The following HSPA4 variants were observed in gnomAD, a reference collection of about 807,000 sequenced individuals.
HSPA4 encodes heat shock protein family A (Hsp70) member 4, also known as heat shock 70 kDa protein 4.
Under a neutral mutation model 106.2 loss-of-function variants are expected in HSPA4, and 25 were observed. The ratio of observed to expected loss-of-function variants is 0.24; its 90% confidence interval spans 0.17 to 0.33. The LOEUF (loss-of-function observed/expected upper bound fraction) is 0.33, where lower values mean the gene tolerates loss of function less well. Among genes scored for constraint, HSPA4 ranks in the 10% least tolerant of loss-of-function variants. The pLI, the probability that HSPA4 is intolerant of heterozygous loss-of-function variation, is 1.00. For missense variants in HSPA4, 841 were observed against 996.0 expected (o/e 0.84, Z 2.10); for synonymous variants, 332 against 333.6 (o/e 1.00, Z 0.05).
At position 133,096,134 on chromosome 5, in the gene HSPA4, C is replaced by G. The variant is rs1299833061; in HGVS notation, c.1687C>G (p.Gln563Glu). The change falls in exon 14 of 19, where the codon CAA becomes GAA. Residue 563 changes from glutamine (Q) to glutamate (E), a missense_variant. Transcript: ENST00000304858. ...QAGSKDKKMD[Q>E]PPQAKKAKVK... ...TGGATCCAAGGATAAAAAGATGGAC[C>G]AACCACCCCAAGCCAAGAAGGCAAA... The G allele has an allele frequency of 6.2e-7, 1 of 1,613,670 alleles. No individual in the cohort carries two copies. Among genetic ancestry groups the G allele is most frequent in the African/African-American group, 1.3e-5 (1 of 74,852 alleles).
rs1554090695 is a variant in HSPA4, at chr5:133,106,161, T to TGG, written c.*1728_*1729dup. 3 of 101,334 alleles carry TGG rather than the reference T, an allele frequency of 3.0e-5. 1 individual carries two copies. Among genetic ancestry groups the TGG allele is most frequent in the Non-Finnish European group, 5.5e-5 (3 of 54,900 alleles). The allele number at this position is 101,334 out of a possible 1,614,324, so 6.3% of individuals were successfully genotyped here. ...TTTTTGGTGTGTGTGTGTGTGTGTGTGGGGAAGGGTGTGGGTGCTGGGATG... is the reference window on the plus strand; with the variant it reads ...TTTTTGGTGTGTGTGTGTGTGTGTGTGGGGGGAAGGGTGTGGGTGCTGGGATG... On this transcript the variant is annotated 3_prime_UTR_variant, in exon 19 of 19. Transcript: ENST00000304858.
At chr5:133,071,578 T>C (rs979310550) in intron 4 of HSPA4, among the ~76,000 whole-genome samples, 1 of 152,248 alleles carries the variant, frequency 6.6e-6, no homozygotes, top group African/African-American at 2.4e-5. Context: ...ACTGTTGAAA[T>C]ATGTGTGGTT....
intron 7 of HSPA4, among the ~76,000 whole-genome samples, chr5:133,077,339 G>C (rs757801545): frequency 5.3e-5 from 8 of 152,124 alleles, no homozygotes; most frequent in Non-Finnish European, 1.2e-4. Context: ...CCAGGTTCAA[G>C]CGATTCTCCT....
rs911254520 is a variant in HSPA4 at position 133,070,587 on chromosome 5, T to A, written c.429+91T>A. The A allele has an allele frequency of 5.4e-6, 8 of 1,470,020 alleles. No homozygotes were observed. The African/African-American group carries it at 1.1e-4, about 21-fold the overall frequency. 91.1% of individuals were successfully genotyped at this position (1,470,020 alleles called of 1,614,324 possible). ...TTTCAAGTAAACTTGTTTTTTTGTC[T>A]CAGGTTGTAATGGTTATTTAAAATG... is the stretch of plus-strand genomic sequence containing the variant. On this transcript the variant is annotated intron_variant, in intron 4 of 18. Coordinates refer to ENST00000304858, the MANE Select transcript of HSPA4 (RefSeq NM_002154.4).
Position 133,091,218 on chromosome 5 carries a change from T to A in HSPA4, c.1404T>A (p.Thr468=), listed in dbSNP as rs755012817. The A allele has an allele frequency of 1.9e-6, 3 of 1,613,988 alleles. No homozygotes were observed. In the African/African-American group the frequency reaches 4.0e-5, roughly 22 times the overall value. The change falls in exon 12 of 19, where the codon ACT becomes ACA. Residue 468 remains threonine, a synonymous_variant. Transcript: ENST00000304858. ...CTCAGTTTTCAGTTCAGAAAGTCAC[T>A]CCTCAGTCTGATGGCTCCAGTTCAA... The part of the protein sequence containing the change: ...AIAQFSVQKV[T]PQSDGSSSKV...
At chr5:133,065,862 G>A (rs894848368) in intron 2 of HSPA4, among the ~76,000 whole-genome samples, 4 of 152,184 alleles carry the variant, frequency 2.6e-5, no homozygotes, top group African/African-American at 9.7e-5. Flanking sequence ...TGAGATATCT[G>A]TAAAATTAAG....
intron 7 of HSPA4, among the ~76,000 whole-genome samples, chr5:133,084,475 A>G (rs1236079668): frequency 6.6e-6 from 1 of 151,778 alleles, no homozygotes; most frequent in Non-Finnish European, 1.5e-5. Context: ...ATACTTTACT[A>G]TTCTTTTTTT....
Position 133,066,226 on chromosome 5 carries a change from CT to C in HSPA4, c.166-1189del, listed in dbSNP as rs553594869. On this transcript the variant is annotated intron_variant, in intron 2 of 18. Transcript: ENST00000304858. ...GTGTTACAGAGTTTCTGTTTGGCAG[CT>C]TGCTCGAGGAAGGCATGATTTGGGT... Among the ~76,000 whole-genome samples, 109 of 152,144 alleles carry C rather than the reference CT, an allele frequency of 7.2e-4. 1 individual carries two copies. Among genetic ancestry groups the C allele is most frequent in the Non-Finnish European group, 8.8e-4 (60 of 68,032 alleles).
chr5:133,063,982 G>A (rs1306452061), intron 1 of HSPA4, among the ~76,000 whole-genome samples: 1 of 151,876 alleles, frequency 6.6e-6, no homozygotes, highest in Non-Finnish European at 1.5e-5. Context: ...GGCTAGTCTC[G>A]AACTCCTGAC....
intron 7 of HSPA4, among the ~76,000 whole-genome samples, chr5:133,078,629 T>C (rs1320109411): frequency 6.4e-5 from 8 of 124,392 alleles, no homozygotes; most frequent in Non-Finnish European, 1.3e-4. Context: ...AGTGAGACAC[T>C]GTCTCCAAAA....
At chr5:133,064,833 AGATTTACTCAATAGAAAGGTC>A in intron 1 of HSPA4, 126 bp from the exon 2 acceptor site, 1 of 708,446 alleles carries the variant, frequency 1.4e-6, no homozygotes, top group Non-Finnish European at 2.4e-6. Context: ...TTCCATGGAC[AGATTTACTCAATAGAAAGGTC>A]AAAATCATAG....
intron 4 of HSPA4, among the ~76,000 whole-genome samples, chr5:133,072,891 T>C (rs112029110): frequency 0.016 from 2,370 of 152,332 alleles, 28 homozygotes; most frequent in Middle Eastern, 0.037. Context: ...GTGAACTGTT[T>C]GCAAATCAAG....
At chr5:133,088,329 G>A (rs906774214) in intron 8 of HSPA4, 75 bp from the exon 9 acceptor site, 3 of 1,065,700 alleles carry the variant, frequency 2.8e-6, no homozygotes, top group South Asian at 2.8e-5. Flanking sequence ...TTACACATCT[G>A]AGTTATTTCA....
Position 133,088,457 on chromosome 5 carries a change from A to G in HSPA4, c.1039A>G (p.Ile347Val), listed in dbSNP as rs1765605486. 6.2e-7 allele frequency: 1 copy of G among 1,612,868 alleles called. No individual in the cohort carries two copies. The highest frequency in any genetic ancestry group is 8.5e-7 in the Non-Finnish European group (1 of 1,178,966). The stretch of plus-strand genomic sequence containing the variant: ...GGAGATAGTTGGTGGTGCTACACGA[A>G]TCCCTGCGGTAAAAGAGAAGATCAG... Reference protein sequence around the residue: ...AVEIVGGATRIPAVKEKISKF... With the variant: ...AVEIVGGATRVPAVKEKISKF... The change falls in exon 9 of 19, where the codon ATC becomes GTC. Residue 347 changes from isoleucine (I) to valine (V), a missense_variant. Ile to Val is a conservative substitution (Grantham distance 29). This residue lies in a region of HSPA4 where 1 missense variants were observed against 18.2 expected (regional missense o/e 0.06). Coordinates refer to ENST00000304858, the MANE Select transcript of HSPA4 (RefSeq NM_002154.4).
In HSPA4 at chr5:133,064,041, C is replaced by T. The variant is rs28653075; in HGVS notation, c.108-939C>T. Reference sequence around the variant, plus strand: ...CCCGCCAAAGTGCTGGGATTACAGGCGTGAGCCACTGCACTTTTTAAGCGT... The same window carrying T: ...CCCGCCAAAGTGCTGGGATTACAGGTGTGAGCCACTGCACTTTTTAAGCGT... On this transcript the variant is annotated intron_variant, in intron 1 of 18. Coordinates refer to ENST00000304858, the MANE Select transcript of HSPA4 (RefSeq NM_002154.4). Among the ~76,000 whole-genome samples, 744 of 152,322 alleles carry T rather than the reference C, an allele frequency of 4.9e-3. 6 individuals carry two copies. Among genetic ancestry groups the T allele is most frequent in the African/African-American group, 0.017 (724 of 41,574 alleles).
intron 7 of HSPA4, among the ~76,000 whole-genome samples, chr5:133,080,842 A>G (rs982120256): frequency 2.0e-5 from 3 of 151,996 alleles, no homozygotes; most frequent in Non-Finnish European, 2.9e-5. Flanking sequence ...CATTTCCTGT[A>G]TCACTTTTAT....
In HSPA4 at chr5:133,096,132, A is replaced by C. The variant is rs756318411; in HGVS notation, c.1685A>C (p.Asp562Ala). The change falls in exon 14 of 19, where the codon GAC (aspartate) becomes GCC (alanine). Residue 562 changes from aspartate (D) to alanine (A), a missense_variant. Around this residue, in one of 5 missense-constraint regions of HSPA4, gnomAD observed 328 missense variants for 372.2 expected, o/e 0.88. Coordinates refer to ENST00000304858, the MANE Select transcript of HSPA4 (RefSeq NM_002154.4). ...GCTGGATCCAAGGATAAAAAGATGG[A>C]CCAACCACCCCAAGCCAAGAAGGCA... ...SQAGSKDKKM[D>A]QPPQAKKAKV... 68 of 1,613,916 alleles carry C rather than the reference A, an allele frequency of 4.2e-5. No individual in the cohort carries two copies. Among genetic ancestry groups the C allele is most frequent in the Non-Finnish European group, 5.5e-5 (65 of 1,179,952 alleles).
rs1327776874 is a variant in HSPA4 at position 133,088,565 on chromosome 5, C to CT, written c.1137+13dup. On this transcript the variant is annotated intron_variant, in intron 9 of 18. Coordinates refer to ENST00000304858, the MANE Select transcript of HSPA4 (RefSeq NM_002154.4). ...AGGCTGTGCATTGCAGGTGAATATTCTTTCTTTTATAGGTAACCATTTATA... is the reference window on the plus strand; with the variant it reads ...AGGCTGTGCATTGCAGGTGAATATTCTTTTCTTTTATAGGTAACCATTTATA... 1 of 1,608,040 alleles carries CT rather than the reference C, an allele frequency of 6.2e-7. No homozygotes were observed. The highest frequency in any genetic ancestry group is 1.3e-5 in the African/African-American group (1 of 74,736).
intron 1 of HSPA4, among the ~76,000 whole-genome samples, chr5:133,062,858 GGA>G (rs1485987104): frequency 2.0e-5 from 3 of 152,150 alleles, no homozygotes; most frequent in Non-Finnish European, 4.4e-5. Context: ...TGAAGCCCAG[GGA>G]GGCCCAGCAT....
Sources: allele counts gnomAD v4.1 joint callset (sites outside exome capture counted in the v4.1 genomes callset), GRCh38; gene constraint gnomAD v4.1.1; regional missense constraint gnomAD v4.1.1; transcripts MANE v1.5; gene names NCBI Gene and HGNC (gene_info 2026-07-23, HGNC 2026-07-21).